Variants in CBX5 observed in about 807,000 individuals in gnomAD.
CBX5 encodes chromobox protein homolog 5.
CBX5 carries 7 observed loss-of-function variants against 20.7 expected under a neutral mutation model. The observed-to-expected ratio is 0.34, with a 90% CI of 0.19 to 0.63. The LOEUF is 0.63. Among genes scored for constraint, CBX5 ranks in the 30% least tolerant of loss-of-function variants. The pLI, the probability that CBX5 is intolerant of heterozygous loss-of-function variation, is 0.75. For missense variants in CBX5, 110 were observed against 224.1 expected (o/e 0.49, Z 3.25); for synonymous variants, 78 against 77.0 (o/e 1.01, Z -0.07).
At chr12:54,260,413 G>T (rs1446380281) in intron 1 of CBX5, among the ~76,000 whole-genome samples, 1 of 152,032 alleles carries the variant, frequency 6.6e-6, no homozygotes, top group Non-Finnish European at 1.5e-5. Context: ...GAAATCGCTT[G>T]AACCCAGGAG....
In CBX5 at chr12:54,232,824, A is replaced by C. The variant is rs2137002518; in HGVS notation, c.*8931T>G. 6.6e-6 allele frequency: 1 copy of C among 152,256 alleles called. No homozygotes were observed. Among genetic ancestry groups the C allele is most frequent in the Middle Eastern group, 3.4e-3 (1 of 294 alleles). The allele number at this position is 152,256 out of a possible 1,614,324, so 9.4% of individuals were successfully genotyped here. ...CATTAAGGACATGAATTATTTTGTA[A>C]AGAAATATTCACTTTATCTTAGGAG... On this transcript the variant is annotated 3_prime_UTR_variant, in exon 5 of 5. Transcript: ENST00000209875.
Position 54,231,615 on chromosome 12 carries a change from G to A in CBX5, c.*10140C>T, listed in dbSNP as rs1220580669. On this transcript the variant is annotated 3_prime_UTR_variant, in exon 5 of 5. Coordinates refer to ENST00000209875, the MANE Select transcript of CBX5 (RefSeq NM_012117.3). Reference sequence around the variant, plus strand: ...GAGGAGCTGGCTGCGCCCCTAAACTGAGATGGAAAGAGTAAGGCTCTTGAG... The same window carrying A: ...GAGGAGCTGGCTGCGCCCCTAAACTAAGATGGAAAGAGTAAGGCTCTTGAG... 1 of 152,654 alleles carries A rather than the reference G, an allele frequency of 6.6e-6. No homozygotes were observed. Among genetic ancestry groups the A allele is most frequent in the Non-Finnish European group, 1.5e-5 (1 of 68,056 alleles). 9.5% of individuals were successfully genotyped at this position (152,654 alleles called of 1,614,324 possible). A position where few individuals can be genotyped will look rare whatever the true frequency, so the allele number is the denominator to read the frequency against.
chr12:54,268,194 T>G (rs1003161211), intron 1 of CBX5, among the ~76,000 whole-genome samples: 1 of 151,958 alleles, frequency 6.6e-6, no homozygotes. Context: ...TCCTGGGCCA[T>G]GTATTATGAT....
rs148734621 is a variant in CBX5, at chr12:54,256,664, G to GCA, written c.137+848_137+849dup. On this transcript the variant is annotated intron_variant, in intron 2 of 4. Transcript: ENST00000209875. ...ATACATCCCAGATTTTCAAGTCTTA[G>GCA]CACACACACACACACAAATTTCATT... 1.2e-4 allele frequency among the ~76,000 whole-genome samples: 18 copies of GCA among 151,698 alleles called. No individual in the cohort carries two copies. In the South Asian group the frequency reaches 1.3e-3, roughly 11 times the overall value.
At chr12:54,255,000 T>C (rs1360701754) in intron 2 of CBX5, among the ~76,000 whole-genome samples, 1 of 152,112 alleles carries the variant, frequency 6.6e-6, no homozygotes, top group Non-Finnish European at 1.5e-5. Flanking sequence ...CCGAATACAC[T>C]TGGGGGTTGG....
chr12:54,265,074 G>T (rs1326298279), intron 1 of CBX5, among the ~76,000 whole-genome samples: 1 of 152,156 alleles, frequency 6.6e-6, no homozygotes, highest in African/African-American at 2.4e-5. Flanking sequence ...CTATCACATG[G>T]ATTAATTAGA....
rs538480976 is a variant in CBX5 at position 54,251,737 on chromosome 12, A to G, written c.324+304T>C. 4.6e-5 allele frequency among the ~76,000 whole-genome samples: 7 copies of G among 152,278 alleles called. No homozygotes were observed. In the East Asian group the frequency reaches 1.2e-3, roughly 25 times the overall value. ...CTTTCTATTCTTAAAAAATTCACCA[A>G]TGATCCTCCTTCTCTAAGATAACTA... On this transcript the variant is annotated intron_variant, in intron 3 of 4. Coordinates refer to ENST00000209875, the MANE Select transcript of CBX5 (RefSeq NM_012117.3).
intron 4 of CBX5, among the ~76,000 whole-genome samples, chr12:54,244,640 AG>A (rs1404454416): frequency 1.3e-5 from 2 of 152,014 alleles, no homozygotes; most frequent in African/African-American, 4.8e-5. Context: ...TGGGAGGCTG[AG>A]GCAGGAGAAT....
chr12:54,274,569 T>C (rs1944042022), intron 1 of CBX5, among the ~76,000 whole-genome samples: 2 of 152,118 alleles, frequency 1.3e-5, no homozygotes, highest in Admixed American at 1.3e-4. Flanking sequence ...AAATAAAGAC[T>C]AGAAATGCTT....
At position 54,241,782 on chromosome 12, in the gene CBX5, G is replaced by A; in HGVS notation, c.549C>T (p.Asn183=). ...TWHAYPEDAE[N]KEKETAKS is the part of the protein sequence containing the mutation. Reference sequence around the variant, plus strand: ...AGCTCTTTGCTGTTTCTTTCTCTTTGTTTTCCGCATCCTCAGGATATGCAT... The same window carrying A: ...AGCTCTTTGCTGTTTCTTTCTCTTTATTTTCCGCATCCTCAGGATATGCAT... The change falls in exon 5 of 5, where the codon AAC becomes AAT. Residue 183 remains asparagine, a synonymous_variant. Coordinates refer to ENST00000209875, the MANE Select transcript of CBX5 (RefSeq NM_012117.3). 6.2e-7 allele frequency: 1 copy of A among 1,612,344 alleles called. No individual in the cohort carries two copies. The highest frequency in any genetic ancestry group is 8.5e-7 in the Non-Finnish European group (1 of 1,179,680).
At chr12:54,251,162 A>G (rs1943796830) in intron 3 of CBX5, among the ~76,000 whole-genome samples, 1 of 150,800 alleles carries the variant, frequency 6.6e-6, no homozygotes, top group Non-Finnish European at 1.5e-5. Flanking sequence ...GTGAAATGGT[A>G]AACATTTCAA....
At chr12:54,277,286 C>T (rs1284368231) in intron 1 of CBX5, 1 of 152,228 alleles carries the variant, frequency 6.6e-6, no homozygotes, top group African/African-American at 2.4e-5. Flanking sequence ...TCACTGCAAC[C>T]TCTGCTTCCT....
chr12:54,279,865 CT>C (rs1019574475), intron 1 of CBX5, 142 bp downstream of exon 1: 1 of 152,734 alleles, frequency 6.5e-6, no homozygotes, highest in African/African-American at 2.4e-5. Context: ...ATCCCGCCCC[CT>C]GTTCTTCTAT....
intron 1 of CBX5, among the ~76,000 whole-genome samples, chr12:54,269,475 G>A (rs1048122660): frequency 6.6e-6 from 1 of 151,498 alleles, no homozygotes; most frequent in African/African-American, 2.4e-5. Context: ...TGCACCCTCC[G>A]CCTCTGAGGT....
intron 3 of CBX5, among the ~76,000 whole-genome samples, chr12:54,247,976 G>A (rs1010841419): frequency 6.6e-6 from 1 of 152,016 alleles, no homozygotes; most frequent in Non-Finnish European, 1.5e-5. Context: ...GAGTAGTTGG[G>A]ATTACAGGTG....
At chr12:54,247,386 G>A (rs1943747693) in intron 3 of CBX5, among the ~76,000 whole-genome samples, 1 of 152,130 alleles carries the variant, frequency 6.6e-6, no homozygotes, top group South Asian at 2.1e-4. Context: ...AATTAGCTGG[G>A]CACAGTGATG....
intron 2 of CBX5, among the ~76,000 whole-genome samples, chr12:54,257,215 A>G (rs1943869568): frequency 6.6e-6 from 1 of 152,166 alleles, no homozygotes. Context: ...TAAGGAAATT[A>G]GCCAAGGCCA....
chr12:54,236,214 T>C lies in CBX5; in HGVS notation c.*5541A>G, dbSNP rs1203863274. ...CAAGTCAGAAATGTGTATTGGTTTA[T>C]AGCATTTATTATACCAAACTATTTT... On this transcript the variant is annotated 3_prime_UTR_variant, in exon 5 of 5. Coordinates refer to ENST00000209875, the MANE Select transcript of CBX5 (RefSeq NM_012117.3). 1 of 152,218 alleles carries C rather than the reference T, an allele frequency of 6.6e-6. No homozygotes were observed. Among genetic ancestry groups the C allele is most frequent in the Non-Finnish European group, 1.5e-5 (1 of 68,044 alleles). The allele number at this position is 152,218 out of a possible 1,614,324, so 9.4% of individuals were successfully genotyped here.
intron 1 of CBX5, among the ~76,000 whole-genome samples, chr12:54,260,364 G>A (rs546459901): frequency 1.3e-5 from 2 of 152,022 alleles, no homozygotes; most frequent in Non-Finnish European, 2.9e-5. Flanking sequence ...GTGGTGGCAG[G>A]CGCATATAGT....
Sources: allele counts gnomAD v4.1 joint callset (sites outside exome capture counted in the v4.1 genomes callset), GRCh38; gene constraint gnomAD v4.1.1; transcripts MANE v1.5; gene names NCBI Gene and HGNC (gene_info 2026-07-23, HGNC 2026-07-21).